CACNB4: variants seen among roughly 807,000 people sequenced by gnomAD.
CACNB4 encodes voltage-dependent L-type calcium channel subunit beta-4.
CACNB4 carries 32 observed loss-of-function variants against 71.2 expected under a neutral mutation model. The ratio of observed to expected loss-of-function variants is 0.45; its 90% CI spans 0.34 to 0.60. The LOEUF is 0.60. Among genes scored for constraint, CACNB4 ranks in the 20% least tolerant of loss-of-function variants. The probability of loss-of-function intolerance (pLI) is 0.01; values close to 1 mark genes in which losing one functional copy is unlikely to be tolerated. For synonymous variants in CACNB4, 231 were observed against 236.9 expected (o/e 0.97, Z 0.23); for missense variants, 464 against 647.9 (o/e 0.72, Z 3.08).
chr2:152,027,067 C>T (rs148947185), intron 2 of CACNB4, among the ~76,000 whole-genome samples: 3,458 of 152,200 alleles, frequency 0.023, 143 homozygotes, highest in African/African-American at 0.078. Context: ...CCACCATGCC[C>T]GGCTAATTTT....
chr2:151,904,142 G>C (rs1578725679), intron 2 of CACNB4, among the ~76,000 whole-genome samples: 1 of 152,218 alleles, frequency 6.6e-6, no homozygotes, highest in East Asian at 1.9e-4. Flanking sequence ...AAAGCAGATT[G>C]AATTTTGTGT....
At chr2:152,093,218 T>C (rs931644983) in intron 2 of CACNB4, among the ~76,000 whole-genome samples, 2 of 152,192 alleles carry the variant, frequency 1.3e-5, no homozygotes, top group African/African-American at 4.8e-5. Context: ...AGCTGCCTTC[T>C]CTTCTTTTTT....
At chr2:151,949,468 A>G (rs770811895) in intron 2 of CACNB4, among the ~76,000 whole-genome samples, 6 of 104,586 alleles carry the variant, frequency 5.7e-5, no homozygotes, top group Non-Finnish European at 1.0e-4. Context: ...CAGGCCTTGA[A>G]GGAGATGGAA....
chr2:151,905,142 T>C (rs2099854467), intron 2 of CACNB4, among the ~76,000 whole-genome samples: 2 of 152,178 alleles, frequency 1.3e-5, no homozygotes, highest in Non-Finnish European at 2.9e-5. Context: ...GGCCTGCAGA[T>C]GAACCTAAAA....
chr2:152,051,462 G>C (rs1237044530), intron 2 of CACNB4, among the ~76,000 whole-genome samples: 1 of 152,180 alleles, frequency 6.6e-6, no homozygotes, highest in Non-Finnish European at 1.5e-5. Context: ...AATCTCCAGT[G>C]TGATGGCATT....
chr2:151,987,450 A>G (rs1245905652), intron 2 of CACNB4, among the ~76,000 whole-genome samples: 1 of 152,178 alleles, frequency 6.6e-6, no homozygotes, highest in African/African-American at 2.4e-5. Context: ...CATCATCCTC[A>G]AAAAAGCCTC....
At position 152,098,587 on chromosome 2, in the gene CACNB4, G is replaced by A; in HGVS notation, c.64-174C>T. 4.0e-6 allele frequency: 3 copies of A among 755,780 alleles called. No homozygotes were observed. The highest frequency in any genetic ancestry group is 4.6e-6 in the Non-Finnish European group (2 of 435,956). 46.8% of individuals were successfully genotyped at this position (755,780 alleles called of 1,614,324 possible). A position where few individuals can be genotyped will look rare whatever the true frequency, so the allele number is the denominator to read the frequency against. ...CAGCCCCCACCCCCACCCACCCACT[G>A]CAAGCCTCGACTGCTGAAAAGATGC... On this transcript the variant is annotated intron_variant, in intron 1 of 13. Coordinates refer to ENST00000539935, the MANE Select transcript of CACNB4 (RefSeq NM_000726.5). This position sits in a 1 kb window ranked among gnomAD's most constrained non-coding sequence, Gnocchi z 5.3.
At chr2:152,070,098 C>T (rs1442690200) in intron 2 of CACNB4, among the ~76,000 whole-genome samples, 1 of 152,144 alleles carries the variant, frequency 6.6e-6, no homozygotes, top group Non-Finnish European at 1.5e-5. Context: ...CCGTCTTGGC[C>T]TCCCAAAGTG....
chr2:151,929,692 A>G (rs144761499), intron 2 of CACNB4, among the ~76,000 whole-genome samples: 111 of 152,336 alleles, frequency 7.3e-4, no homozygotes, highest in African/African-American at 2.6e-3. Flanking sequence ...TAAATTGATT[A>G]CTACATTAAT....
intron 2 of CACNB4, among the ~76,000 whole-genome samples, chr2:152,008,582 G>A (rs12619485): frequency 0.22 from 33,076 of 151,912 alleles, 4,889 homozygotes; most frequent in East Asian, 0.73. Context: ...TTACAAGCAT[G>A]AGCCACCATG....
intron 2 of CACNB4, among the ~76,000 whole-genome samples, chr2:152,044,999 T>A (rs1054618432): frequency 5.3e-5 from 8 of 151,870 alleles, no homozygotes; most frequent in Admixed American, 2.6e-4. Context: ...AGAGATTTAG[T>A]GGAGAGAAAG....
chr2:152,068,311 G>A (rs763300163), intron 2 of CACNB4, among the ~76,000 whole-genome samples: 5 of 152,112 alleles, frequency 3.3e-5, no homozygotes, highest in Admixed American at 1.3e-4. Context: ...TTCACATGAG[G>A]TAGCTGCCTA....
At chr2:151,982,600 T>C (rs978201317) in intron 2 of CACNB4, among the ~76,000 whole-genome samples, 1 of 134,696 alleles carries the variant, frequency 7.4e-6, no homozygotes, top group Non-Finnish European at 1.5e-5. Flanking sequence ...ACCACTGCAC[T>C]CCAGCCTGGA....
At chr2:151,993,645 A>C (rs1219483240) in intron 2 of CACNB4, among the ~76,000 whole-genome samples, 2 of 150,118 alleles carry the variant, frequency 1.3e-5, no homozygotes, top group African/African-American at 4.9e-5. Flanking sequence ...GCCCACTGCA[A>C]CCTCTGCCTC....
chr2:151,875,385 G>GTCTA (rs1559909868), intron 5 of CACNB4, among the ~76,000 whole-genome samples: 1 of 150,824 alleles, frequency 6.6e-6, no homozygotes, highest in African/African-American at 2.4e-5. Context: ...AGTCTCCCAT[G>GTCTA]TCTACTTCTT....
rs1048269853 is a variant in CACNB4, at chr2:151,916,033, G to A, written c.148-32663C>T. 3.3e-5 allele frequency among the ~76,000 whole-genome samples: 4 copies of A among 120,086 alleles called. No individual in the cohort carries two copies. In the East Asian group the frequency reaches 8.5e-4, roughly 25 times the overall value. 78.8% of individuals were successfully genotyped at this position (120,086 alleles called of 152,430 possible). ...CCCGTGTGGCTCTCAGCTGGGCTGCGGTACTACACTGTTCTTCCTTCTCTC... is the reference window on the plus strand; with the variant it reads ...CCCGTGTGGCTCTCAGCTGGGCTGCAGTACTACACTGTTCTTCCTTCTCTC... On this transcript the variant is annotated intron_variant, in intron 2 of 13. Transcript: ENST00000539935.
At chr2:151,909,537 C>A (rs192948539) in intron 2 of CACNB4, among the ~76,000 whole-genome samples, 87 of 152,168 alleles carry the variant, frequency 5.7e-4, no homozygotes, top group African/African-American at 2.0e-3. Context: ...GTTTGCTGCA[C>A]CTACTGACCC....
At chr2:152,053,093 T>C (rs923375641) in intron 2 of CACNB4, among the ~76,000 whole-genome samples, 8 of 152,266 alleles carry the variant, frequency 5.3e-5, no homozygotes, top group African/African-American at 1.4e-4. Flanking sequence ...TCTCTAGAAC[T>C]CTGGAACTAT....
At chr2:152,003,162 G>A (rs1682523365) in intron 2 of CACNB4, among the ~76,000 whole-genome samples, 1 of 152,094 alleles carries the variant, frequency 6.6e-6, no homozygotes, top group Admixed American at 6.6e-5. Context: ...ACATATCTCG[G>A]CCGGGCATGG....
Sources: allele counts gnomAD v4.1 joint callset (sites outside exome capture counted in the v4.1 genomes callset), GRCh38; gene constraint gnomAD v4.1.1; non-coding constraint Gnocchi (gnomAD v3.1); transcripts MANE v1.5; gene names NCBI Gene and HGNC (gene_info 2026-07-23, HGNC 2026-07-21).